The following SH3PXD2B variants were observed in gnomAD, a reference collection of about 807,000 sequenced individuals.
SH3PXD2B encodes the protein SH3 and PX domains 2B, also known as SH3 and PX domain-containing protein 2B.
In SH3PXD2B, 37 loss-of-function variants were observed where a neutral mutation model predicts 73.1. That is an observed-to-expected ratio of 0.51 (90% CI 0.39 to 0.67). SH3PXD2B has a LOEUF of 0.67. Ranked by LOEUF, SH3PXD2B falls within the 30% of genes least tolerant of loss-of-function variation. SH3PXD2B has a pLI of 0.00. For missense variants in SH3PXD2B, 1,053 were observed against 1,197.8 expected (o/e 0.88, Z 1.78); for synonymous variants, 457 against 480.5 (o/e 0.95, Z 0.64).
intron 2 of SH3PXD2B, among the ~76,000 whole-genome samples, chr5:172,419,496 G>A (rs1191334094): frequency 6.6e-6 from 1 of 152,162 alleles, no homozygotes; most frequent in Non-Finnish European, 1.5e-5. Context: ...CAACAGGGAA[G>A]GACACTGCAG....
intron 3 of SH3PXD2B, among the ~76,000 whole-genome samples, chr5:172,405,161 G>C (rs535633217): frequency 4.9e-4 from 75 of 152,374 alleles, no homozygotes; most frequent in African/African-American, 1.6e-3. Flanking sequence ...GAGACTGACT[G>C]CCTTGGGAAC....
intron 4 of SH3PXD2B, among the ~76,000 whole-genome samples, chr5:172,387,077 A>G (rs561825504): frequency 3.9e-5 from 6 of 152,250 alleles, no homozygotes; most frequent in Admixed American, 3.9e-4. Flanking sequence ...GAATAATAAT[A>G]TAGGTGGGTG....
intron 3 of SH3PXD2B, 108 bp downstream of exon 3, chr5:172,406,169 G>A (rs957449741): frequency 1.6e-6 from 2 of 1,235,632 alleles, no homozygotes; most frequent in East Asian, 4.7e-5. Context: ...TGGTCAGTGG[G>A]ATGGTGTCCC....
chr5:172,409,927 G>A (rs1758654044), intron 2 of SH3PXD2B, among the ~76,000 whole-genome samples: 1 of 152,148 alleles, frequency 6.6e-6, no homozygotes, highest in African/African-American at 2.4e-5. Context: ...TCTTGGTCAG[G>A]CTAGTCTTGA....
intron 2 of SH3PXD2B, among the ~76,000 whole-genome samples, chr5:172,414,939 C>T (rs1433737499): frequency 6.6e-6 from 1 of 152,170 alleles, no homozygotes; most frequent in Non-Finnish European, 1.5e-5. Flanking sequence ...GGAGGGGCCA[C>T]TCCTTATTCA....
rs879609607 is a variant in SH3PXD2B at position 172,337,255 on chromosome 5, A to G, written c.*1114T>C. ...CGAATGCCCCCTCACCCCCCTCACA[A>G]TGAAGCCACTTGGCCACCACTTAGC... On this transcript the variant is annotated 3_prime_UTR_variant, in exon 13 of 13. Coordinates refer to ENST00000311601, the MANE Select transcript of SH3PXD2B (RefSeq NM_001017995.3). 25 of 985,794 alleles carry G rather than the reference A, an allele frequency of 2.5e-5. No individual in the cohort carries two copies. Among genetic ancestry groups the G allele is most frequent in the Non-Finnish European group, 2.9e-5 (24 of 830,218 alleles). The allele number at this position is 985,794 out of a possible 1,614,324, so 61.1% of individuals were successfully genotyped here.
intron 5 of SH3PXD2B, among the ~76,000 whole-genome samples, chr5:172,376,643 T>C (rs1757828454): frequency 6.6e-6 from 1 of 152,150 alleles, no homozygotes; most frequent in Non-Finnish European, 1.5e-5. Flanking sequence ...CTGGTGGTGA[T>C]GTCCTCCCTC....
At chr5:172,401,965 A>G (rs1385379645) in intron 3 of SH3PXD2B, among the ~76,000 whole-genome samples, 3 of 152,230 alleles carry the variant, frequency 2.0e-5, no homozygotes, top group Non-Finnish European at 4.4e-5. Flanking sequence ...CCTTGAAAAA[A>G]GAACAGGATA....
At chr5:172,359,481 C>T (rs930272507) in intron 7 of SH3PXD2B, among the ~76,000 whole-genome samples, 3 of 150,956 alleles carry the variant, frequency 2.0e-5, no homozygotes, top group African/African-American at 7.3e-5. Context: ...ACAATCTTCA[C>T]ATTATCATCC....
At position 172,347,269 on chromosome 5, in the gene SH3PXD2B, G is replaced by A. The variant is rs376091118; in HGVS notation, c.1062+14C>T. On this transcript the variant is annotated intron_variant, in intron 11 of 12. Coordinates refer to ENST00000311601, the MANE Select transcript of SH3PXD2B (RefSeq NM_001017995.3). Reference sequence around the variant, plus strand: ...AAGTCAGTGGCCACTCCCCAGTAGCGAGGATCCACTTACAATGGTCATGTC... The same window carrying A: ...AAGTCAGTGGCCACTCCCCAGTAGCAAGGATCCACTTACAATGGTCATGTC... 1.1e-5 allele frequency: 17 copies of A among 1,614,042 alleles called. No individual in the cohort carries two copies. Among genetic ancestry groups the A allele is most frequent in the Non-Finnish European group, 5.1e-6 (6 of 1,179,942 alleles).
intron 8 of SH3PXD2B, among the ~76,000 whole-genome samples, chr5:172,354,360 G>A (rs1172760726): frequency 6.6e-6 from 1 of 152,144 alleles, no homozygotes; most frequent in Non-Finnish European, 1.5e-5. Flanking sequence ...GAATTACCTT[G>A]TAACACGACA....
intron 4 of SH3PXD2B, among the ~76,000 whole-genome samples, chr5:172,393,105 A>G (rs903005926): frequency 5.9e-5 from 9 of 152,236 alleles, no homozygotes; most frequent in African/African-American, 1.7e-4. Context: ...AAAAAAGCCT[A>G]TAGAAAAGAT....
intron 2 of SH3PXD2B, among the ~76,000 whole-genome samples, chr5:172,408,388 C>T (rs972537624): frequency 6.6e-5 from 10 of 152,246 alleles, no homozygotes; most frequent in African/African-American, 2.4e-4. Flanking sequence ...CCCATCTCAG[C>T]CTCCAGAGCA....
intron 10 of SH3PXD2B, among the ~76,000 whole-genome samples, chr5:172,348,671 C>CT (rs1430327142): frequency 2.9e-4 from 16 of 55,626 alleles, no homozygotes; most frequent in South Asian, 1.1e-3. Context: ...ATCTATCTAT[C>CT]TATCTATCTA....
Position 172,437,520 on chromosome 5 carries a change from C to T in SH3PXD2B, c.76-15024G>A, listed in dbSNP as rs145553055. On this transcript the variant is annotated intron_variant, in intron 1 of 12. Coordinates refer to ENST00000311601, the MANE Select transcript of SH3PXD2B (RefSeq NM_001017995.3). ...GAGATCCAATCCCAGCCCTGCCAGC[C>T]TCCAAAGCCTCTTCACTTTCTTCTC... Among the ~76,000 whole-genome samples, 294 of 152,306 alleles carry T rather than the reference C, an allele frequency of 1.9e-3. 2 individuals are homozygous for T. Among genetic ancestry groups the T allele is most frequent in the African/African-American group, 6.7e-3 (277 of 41,570 alleles).
At chr5:172,355,002 C>G (rs536012902) in intron 8 of SH3PXD2B, among the ~76,000 whole-genome samples, 1 of 152,302 alleles carries the variant, frequency 6.6e-6, no homozygotes, top group South Asian at 2.1e-4. Flanking sequence ...GCTCCCACCC[C>G]CAGTGTTATC....
intron 1 of SH3PXD2B, among the ~76,000 whole-genome samples, chr5:172,424,076 G>C (rs1487246171): frequency 6.6e-6 from 1 of 152,216 alleles, no homozygotes; most frequent in Non-Finnish European, 1.5e-5. Flanking sequence ...TGAGAAAGGA[G>C]CCACCATCCC....
At chr5:172,348,711 T>TATC (rs1561896964) in intron 10 of SH3PXD2B, among the ~76,000 whole-genome samples, 542 of 36,918 alleles carry the variant, frequency 0.015, 3 homozygotes, top group East Asian at 0.046. Flanking sequence ...ATCTATCTAT[T>TATC]TATTTATTTT....
chr5:172,330,651 G>A (rs1389729934), downstream of SH3PXD2B, among the ~76,000 whole-genome samples: 4 of 152,112 alleles, frequency 2.6e-5, no homozygotes, highest in Admixed American at 6.5e-5. Flanking sequence ...AATTCCTATC[G>A]ACATTTGTTC....
Sources: allele counts gnomAD v4.1 joint callset (sites outside exome capture counted in the v4.1 genomes callset), GRCh38; gene constraint gnomAD v4.1.1; transcripts MANE v1.5; gene names NCBI Gene and HGNC (gene_info 2026-07-23, HGNC 2026-07-21).